PCDHA13: variants seen among roughly 807,000 people sequenced by gnomAD.
PCDHA13 encodes protocadherin alpha-13.
Under a neutral mutation model 64.8 loss-of-function variants are expected in PCDHA13, and 54 were observed. The ratio of observed to expected loss-of-function variants is 0.83; its 90% CI spans 0.67 to 1.04. PCDHA13 has a LOEUF of 1.04. Among genes scored for constraint, PCDHA13 ranks in the 50% least tolerant of loss-of-function variants. The probability of loss-of-function intolerance (pLI) is 0.00; values close to 1 mark genes in which losing one functional copy is unlikely to be tolerated. For synonymous variants in PCDHA13, 587 were observed against 564.4 expected, an observed-to-expected ratio of 1.04 and a Z score of -0.57; for missense variants, 1,248 against 1,254.3, an observed-to-expected ratio of 0.99 and a Z score of 0.08.
Position 140,884,514 on chromosome 5 carries a change from CG to C in PCDHA13, c.2247del (p.Tyr750ThrfsTer47), listed in dbSNP as rs1244903550. The C allele has an allele frequency of 5.0e-6, 8 of 1,614,058 alleles. No homozygotes were observed. The highest frequency in any genetic ancestry group is 1.6e-4 in the Middle Eastern group (1 of 6,084). Reference protein sequence around the residue: ...LVCSSAAGSWSYSQQRRPRVC... With the variant: ...LVCSSAAGSWXYSQQRRPRVC... ...TGCTCCAGCGCGGCAGGGAGTTGGT[CG>C]TACTCGCAGCAGAGGCGGCCGAGGG... On this transcript the variant is annotated frameshift_variant, in exon 1 of 4. Coordinates refer to ENST00000289272, the MANE Select transcript of PCDHA13 (RefSeq NM_018904.3). LOFTEE classifies it high-confidence loss of function.
At chr5:140,958,406 G>A (rs576536874) in intron 1 of PCDHA13, among the ~76,000 whole-genome samples, 2 of 152,204 alleles carry the variant, frequency 1.3e-5, no homozygotes, top group African/African-American at 4.8e-5. Context: ...CATTATCACT[G>A]ATGCTTGGAA....
chr5:141,009,514 A>T (rs2098410382), intron 3 of PCDHA13, 113 bp from the exon 4 acceptor site: 5 of 1,501,204 alleles, frequency 3.3e-6, no homozygotes, highest in African/African-American at 1.4e-5. Context: ...ACAACTCGTG[A>T]TTTTTCTGGG....
chr5:140,903,192 G>A (rs2070083529), intron 1 of PCDHA13, among the ~76,000 whole-genome samples: 1 of 152,160 alleles, frequency 6.6e-6, no homozygotes, highest in South Asian at 2.1e-4. Flanking sequence ...GTATAAAAGA[G>A]TGTCCTTTTC....
chr5:140,906,644 T>C (rs1167181721), intron 1 of PCDHA13, among the ~76,000 whole-genome samples: 3 of 152,232 alleles, frequency 2.0e-5, no homozygotes, highest in Admixed American at 6.5e-5. Flanking sequence ...CAGCAGGTAG[T>C]GGTTTTTTCC....
At chr5:140,982,268 A>G (rs2096974621) in intron 2 of PCDHA13, 3 of 885,512 alleles carry the variant, frequency 3.4e-6, no homozygotes, top group South Asian at 2.2e-5. Flanking sequence ...TGTTCCTGGA[A>G]TAGTATAGCA....
At chr5:140,912,844 C>T (rs960802369) in intron 1 of PCDHA13, among the ~76,000 whole-genome samples, 16 of 152,150 alleles carry the variant, frequency 1.1e-4, no homozygotes, top group Admixed American at 2.6e-4. Context: ...AATGCTTTTT[C>T]AGCATCAATT....
chr5:140,955,359 C>A (rs1390938554), intron 1 of PCDHA13, among the ~76,000 whole-genome samples: 1 of 151,992 alleles, frequency 6.6e-6, no homozygotes, highest in African/African-American at 2.4e-5. Context: ...TGAGAGGGAC[C>A]CAGTGGGAGG....
chr5:140,894,574 T>C (rs997238240), intron 1 of PCDHA13, among the ~76,000 whole-genome samples: 2 of 152,002 alleles, frequency 1.3e-5, no homozygotes, highest in African/African-American at 2.4e-5. Context: ...TTTTCCTTTT[T>C]TTTAATATTT....
chr5:140,985,170 C>T (rs1465909141), intron 3 of PCDHA13, among the ~76,000 whole-genome samples: 12 of 152,168 alleles, frequency 7.9e-5, no homozygotes, highest in African/African-American at 2.9e-4. Flanking sequence ...ATCTCCTGAC[C>T]TCGTAATCCG....
At chr5:140,941,505 C>T (rs536733497) in intron 1 of PCDHA13, among the ~76,000 whole-genome samples, 11 of 151,390 alleles carry the variant, frequency 7.3e-5, no homozygotes, top group East Asian at 1.9e-4. Flanking sequence ...TTAGTAGAGA[C>T]GAGGTTTCAC....
intron 1 of PCDHA13, among the ~76,000 whole-genome samples, chr5:140,945,224 T>G (rs1563213002): frequency 6.6e-6 from 1 of 152,016 alleles, no homozygotes; most frequent in Admixed American, 6.6e-5. Flanking sequence ...ATAAAAATAC[T>G]TAGGAATAAA....
intron 1 of PCDHA13, among the ~76,000 whole-genome samples, chr5:140,958,355 C>A (rs2095420165): frequency 6.6e-6 from 1 of 152,064 alleles, no homozygotes; most frequent in Admixed American, 6.6e-5. Context: ...CACAGTCTGA[C>A]TTTATCAGGA....
At chr5:140,956,994 A>T (rs2095325479) in intron 1 of PCDHA13, among the ~76,000 whole-genome samples, 1 of 152,168 alleles carries the variant, frequency 6.6e-6, no homozygotes, top group Non-Finnish European at 1.5e-5. Flanking sequence ...AATTCAAGGA[A>T]GTGGTCTGAA....
At chr5:140,964,266 A>G (rs1408040035) in intron 1 of PCDHA13, among the ~76,000 whole-genome samples, 1 of 152,230 alleles carries the variant, frequency 6.6e-6, no homozygotes, top group Admixed American at 6.5e-5. Context: ...CTCCTTAATA[A>G]TTAAGGCAGT....
chr5:140,988,204 AG>A (rs2097287084), intron 3 of PCDHA13, among the ~76,000 whole-genome samples: 1 of 152,100 alleles, frequency 6.6e-6, no homozygotes, highest in South Asian at 2.1e-4. Context: ...TATCCTTATT[AG>A]GAAAAAAAAA....
At chr5:140,985,938 A>G (rs960910585) in intron 3 of PCDHA13, among the ~76,000 whole-genome samples, 8 of 151,748 alleles carry the variant, frequency 5.3e-5, no homozygotes, top group Non-Finnish European at 8.8e-5. Context: ...CCGGGGTTTC[A>G]CTGTGTTAGC....
intron 1 of PCDHA13, among the ~76,000 whole-genome samples, chr5:140,920,083 G>A (rs536573725): frequency 3.3e-5 from 5 of 152,260 alleles, no homozygotes; most frequent in East Asian, 1.9e-4. Flanking sequence ...CAGATTCTCC[G>A]TAGAGCCTCT....
rs782644238 is a variant in PCDHA13 at position 140,883,107 on chromosome 5, C to A, written c.839C>A (p.Ser280Ter). ...DDGTNGDIVY[S>*]FRRPVWPAVV... ...GGTACAAATGGAGATATAGTTTACT[C>A]ATTTAGAAGGCCTGTATGGCCTGCA... The change falls in exon 1 of 4, where the codon TCA becomes TAA. Residue 280 changes from serine (S) to a stop codon, truncating the protein, a stop_gained. Transcript: ENST00000289272. LOFTEE classifies it high-confidence loss of function. 15 of 1,614,064 alleles carry A rather than the reference C, an allele frequency of 9.3e-6. No homozygotes were observed. The East Asian group carries it at 3.1e-4, about 34-fold the overall frequency.
chr5:140,948,468 CT>C (rs1173060430), intron 1 of PCDHA13, among the ~76,000 whole-genome samples: 1 of 151,468 alleles, frequency 6.6e-6, no homozygotes, highest in African/African-American at 2.4e-5. Flanking sequence ...GGGAAAGTTT[CT>C]GATAATAAAT....
Sources: allele counts gnomAD v4.1 joint callset (sites outside exome capture counted in the v4.1 genomes callset), GRCh38; gene constraint gnomAD v4.1.1; transcripts MANE v1.5; gene names NCBI Gene and HGNC (gene_info 2026-07-23, HGNC 2026-07-21).